TPP2: variants seen among roughly 807,000 people sequenced by gnomAD.
TPP2 encodes tripeptidyl-peptidase 2.
In TPP2, 34 loss-of-function variants were observed where a neutral mutation model predicts 155.9. The observed-to-expected ratio is 0.22, with a 90% CI of 0.17 to 0.29. The LOEUF (loss-of-function observed/expected upper bound fraction) is 0.29. TPP2 is among the 10% of genes least tolerant of loss of function. The pLI is 1.00. For missense variants in TPP2, 1,028 were observed against 1,522.3 expected, an observed-to-expected ratio of 0.68 and a Z score of 5.40; for synonymous variants, 510 against 529.4, an observed-to-expected ratio of 0.96 and a Z score of 0.50.
intron 19 of TPP2, among the ~76,000 whole-genome samples, chr13:102,645,890 C>G (rs1235028866): frequency 6.6e-6 from 1 of 152,198 alleles, no homozygotes; most frequent in East Asian, 1.9e-4. Context: ...TGGTGAGCAG[C>G]AGGGGTCTGG....
intron 2 of TPP2, among the ~76,000 whole-genome samples, chr13:102,612,619 T>A (rs1367686751): frequency 1.3e-5 from 2 of 152,218 alleles, no homozygotes; most frequent in African/African-American, 4.8e-5. Flanking sequence ...TTAGATCAGA[T>A]AGCCCAGATT....
In TPP2 at chr13:102,622,896, G is replaced by A. The variant is rs1261965543; in HGVS notation, c.640G>A (p.Glu214Lys). 1.1e-5 allele frequency: 18 copies of A among 1,611,948 alleles called. No individual in the cohort carries two copies. In the East Asian group the frequency reaches 4.0e-4, roughly 36 times the overall value. Residue 214 changes from glutamate (E) to lysine (K), a missense_variant, in exon 6 of 30, where the codon GAA becomes AAA. This residue lies in a region of TPP2 where 300 missense variants were observed against 398.3 expected (regional missense o/e 0.75). Coordinates refer to ENST00000376052, the MANE Select transcript of TPP2 (RefSeq NM_001330588.2). ...TAATAGAGCCTGCATTGATTCTAAT[G>A]AAGATGGGGACTTGAGTAAATCTAC... is the stretch of plus-strand genomic sequence containing the variant. ...EVWRACIDSNEDGDLSKSTVL... is the reference protein window; with the variant it reads ...EVWRACIDSNKDGDLSKSTVL...
chr13:102,633,375 CA>C (rs1419580124), intron 10 of TPP2, among the ~76,000 whole-genome samples: 3 of 151,324 alleles, frequency 2.0e-5, no homozygotes, highest in Admixed American at 1.3e-4. Context: ...AGACTTGGTA[CA>C]AAAAAAACAA....
chr13:102,629,723 G>GC, intron 9 of TPP2, 114 bp downstream of exon 9: 3 of 1,353,892 alleles, frequency 2.2e-6, no homozygotes, highest in South Asian at 3.6e-5. Context: ...CACCTTAAGT[G>GC]TGTCCTCAGG....
At chr13:102,629,118 A>G (rs763502782) in intron 8 of TPP2, among the ~76,000 whole-genome samples, 4 of 152,140 alleles carry the variant, frequency 2.6e-5, no homozygotes, top group African/African-American at 9.7e-5. Context: ...CTTTTGGTCA[A>G]TTTCTACTCA....
Position 102,638,255 on chromosome 13 carries a change from T to C in TPP2, c.1853T>C (p.Ile618Thr), listed in dbSNP as rs560121049. ...TTTTTCAAGGTATGTGGCTATGATA[T>C]AGCATCCCCTAACGCAGGTCCGCTC... is the stretch of plus-strand genomic sequence containing the variant. ...LHYTEVCGYD[I>T]ASPNAGPLFR... is the part of the protein sequence containing the mutation. Residue 618 changes from isoleucine to threonine, a missense_variant, in exon 15 of 30, where the codon ATA (isoleucine) becomes ACA (threonine). Coordinates refer to ENST00000376052, the MANE Select transcript of TPP2 (RefSeq NM_001330588.2). 1.3e-5 allele frequency: 21 copies of C among 1,612,642 alleles called. No individual in the cohort carries two copies. The highest frequency in any genetic ancestry group is 2.7e-5 in the African/African-American group (2 of 75,040).
intron 24 of TPP2, among the ~76,000 whole-genome samples, chr13:102,651,898 G>A (rs988063878): frequency 2.0e-5 from 3 of 152,146 alleles, no homozygotes; most frequent in African/African-American, 7.2e-5. Context: ...AAACAATAAA[G>A]ATCAATGGAT....
At chr13:102,616,715 A>G (rs984880064) in intron 4 of TPP2, among the ~76,000 whole-genome samples, 1 of 152,224 alleles carries the variant, frequency 6.6e-6, no homozygotes, top group Non-Finnish European at 1.5e-5. Flanking sequence ...CACGTAGGGT[A>G]AAAGTACATA....
chr13:102,607,596 A>G (rs900875958), intron 2 of TPP2: 14 of 418,690 alleles, frequency 3.3e-5, no homozygotes, highest in African/African-American at 6.2e-5. Flanking sequence ...ATTTATTTAT[A>G]TTAATTTTGA....
intron 3 of TPP2, 120 bp from the exon 4 acceptor site, chr13:102,616,276 C>G (rs141112831): frequency 1.7e-5 from 13 of 750,746 alleles, no homozygotes; most frequent in Non-Finnish European, 2.7e-5. Context: ...TTTTTAAAAC[C>G]TCTCTATGAG....
rs747488918 is a variant in TPP2, at chr13:102,657,166, T to C, written c.3102T>C (p.Phe1034=). 4.4e-6 allele frequency: 7 copies of C among 1,591,350 alleles called. No individual in the cohort carries two copies. The South Asian group carries it at 7.0e-5, about 16-fold the overall frequency. The change falls in exon 25 of 30, where the codon TTT becomes TTC. Residue 1034 remains phenylalanine (F), a synonymous_variant. Transcript: ENST00000376052. ...AAGAGAAAGATTTAAAAGAAGAGTT[T>C]ACTGAAGCATTACGAGATCTTAAAA... ...SEKEKDLKEE[F]TEALRDLKIQ...
intron 2 of TPP2, among the ~76,000 whole-genome samples, chr13:102,610,389 C>T (rs142588877): frequency 0.081 from 12,291 of 151,932 alleles, 676 homozygotes; most frequent in African/African-American, 0.16. Flanking sequence ...CCACCATGCC[C>T]GGCTAATTTT....
intron 14 of TPP2, among the ~76,000 whole-genome samples, chr13:102,637,628 G>A (rs1882469471): frequency 6.6e-6 from 1 of 152,124 alleles, no homozygotes; most frequent in Non-Finnish European, 1.5e-5. Flanking sequence ...GTGGTTCGCT[G>A]CAGCCTTGAA....
intron 8 of TPP2, 104 bp downstream of exon 8, chr13:102,628,028 T>A: frequency 1.1e-6 from 1 of 898,660 alleles, no homozygotes; most frequent in Non-Finnish European, 1.7e-6. Flanking sequence ...GAAAGAACAG[T>A]TGCAGTGGTT....
At chr13:102,640,641 A>ATTTTT (rs5806315) in intron 16 of TPP2, among the ~76,000 whole-genome samples, 14 of 84,196 alleles carry the variant, frequency 1.7e-4, no homozygotes, top group East Asian at 7.2e-4. Context: ...CCTGGTAATA[A>ATTTTT]TTTTTTTTTT....
rs374850648 is a variant in TPP2, at chr13:102,618,849, A to G, written c.620+3A>G. On this transcript the variant is annotated splice_donor_region_variant and intron_variant, in intron 5 of 29. Transcript: ENST00000376052. ...TGGCATGATGGCGAAGTCTGGAGGT[A>G]AACTTCGTGTATTTTATACATCTTC... 22 of 1,601,342 alleles carry G rather than the reference A, an allele frequency of 1.4e-5. No homozygotes were observed. The African/African-American group carries it at 2.8e-4, about 21-fold the overall frequency.
chr13:102,648,785 G>C, intron 21 of TPP2, 122 bp from the exon 22 acceptor site: 1 of 1,317,582 alleles, frequency 7.6e-7, no homozygotes, highest in Non-Finnish European at 1.0e-6. Flanking sequence ...TTAGTTCCTT[G>C]CACTGTACCT....
chr13:102,646,170 A>T, intron 19 of TPP2, 124 bp from the exon 20 acceptor site: 1 of 606,906 alleles, frequency 1.6e-6, no homozygotes. Context: ...ACTGAAAAGG[A>T]TAGCTCTCAG....
chr13:102,649,228 G>C, intron 22 of TPP2, 77 bp downstream of exon 22: 1 of 1,515,688 alleles, frequency 6.6e-7, no homozygotes, highest in South Asian at 1.4e-5. Context: ...ATGACATCTA[G>C]GCTAAATTTA....
Sources: gnomAD v4.1 joint callset for allele counts (sites outside exome capture counted in the v4.1 genomes callset) on GRCh38, gnomAD v4.1.1 for gene constraint, gnomAD v4.1.1 regional missense constraint, MANE v1.5 for transcripts, NCBI Gene and HGNC (gene_info 2026-07-23, HGNC 2026-07-21) for gene names.